The following NFATC2 variants were observed in gnomAD, a reference collection of about 807,000 sequenced individuals.
NFATC2 encodes nuclear factor of activated T cells 2.
In NFATC2, 22 loss-of-function variants were observed where a neutral mutation model predicts 87.3. The observed-to-expected ratio is 0.25, with a 90% CI of 0.18 to 0.36. The LOEUF (loss-of-function observed/expected upper bound fraction) is 0.36. NFATC2 is among the 10% of genes least tolerant of loss of function. The pLI is 1.00. For missense variants in NFATC2, 1,149 were observed against 1,259.1 expected, an observed-to-expected ratio of 0.91 and a Z score of 1.32; for synonymous variants, 565 against 542.2, an observed-to-expected ratio of 1.04 and a Z score of -0.58.
rs1182520165 is a variant in NFATC2, at chr20:51,388,446, A to G, written c.*3050T>C. The G allele has an allele frequency of 6.6e-6, 1 of 151,976 alleles. No homozygotes were observed. Among genetic ancestry groups the G allele is most frequent in the Non-Finnish European group, 1.5e-5 (1 of 68,010 alleles). The allele number at this position is 151,976 out of a possible 1,614,324, so 9.4% of individuals were successfully genotyped here. A position where few individuals can be genotyped will look rare whatever the true frequency, so the allele number is the denominator to read the frequency against. ...AGGCTCTGAGTGGGGGTTTTATTAT[A>G]TGGGTTTTTGTTTCCTGGAATGAGT... On this transcript the variant is annotated 3_prime_UTR_variant, in exon 11 of 11. Coordinates refer to ENST00000371564, the MANE Select transcript of NFATC2 (RefSeq NM_012340.5).
chr20:51,496,167 A>T (rs2075985139), intron 3 of NFATC2, among the ~76,000 whole-genome samples: 1 of 152,116 alleles, frequency 6.6e-6, no homozygotes, highest in South Asian at 2.1e-4. Flanking sequence ...CAAAGGGAGG[A>T]TCGAAGCGCA....
intron 3 of NFATC2, among the ~76,000 whole-genome samples, chr20:51,497,600 G>A (rs369980084): frequency 9.9e-5 from 15 of 152,220 alleles, no homozygotes; most frequent in African/African-American, 1.4e-4. Flanking sequence ...CATGATAGAC[G>A]TTCGCCTGAG....
intron 3 of NFATC2, among the ~76,000 whole-genome samples, chr20:51,506,737 G>A (rs1271523323): frequency 2.5e-5 from 2 of 80,824 alleles, no homozygotes; most frequent in Non-Finnish European, 4.8e-5. Context: ...ACGGGTTGCA[G>A]CGAGATGGCT....
chr20:51,518,660 G>T (rs1228583240), intron 2 of NFATC2, among the ~76,000 whole-genome samples: 1 of 152,078 alleles, frequency 6.6e-6, no homozygotes, highest in Non-Finnish European at 1.5e-5. Flanking sequence ...TTTCCATATA[G>T]TTTGATACAA....
intron 3 of NFATC2, among the ~76,000 whole-genome samples, chr20:51,478,130 C>G (rs1420856757): frequency 6.6e-6 from 1 of 152,172 alleles, no homozygotes; most frequent in Non-Finnish European, 1.5e-5. Context: ...TTTTCATAAC[C>G]TGCCAGACAC....
At chr20:51,446,733 C>T (rs569683633) in intron 6 of NFATC2, among the ~76,000 whole-genome samples, 9 of 152,366 alleles carry the variant, frequency 5.9e-5, no homozygotes, top group Admixed American at 2.6e-4. Context: ...TCTATCTCCA[C>T]GGCAGCTTCG....
upstream of NFATC2, among the ~76,000 whole-genome samples, chr20:51,543,013 G>A (rs2076851333): frequency 6.6e-6 from 1 of 152,126 alleles, no homozygotes; most frequent in Admixed American, 6.5e-5. Flanking sequence ...TAGGACTTTT[G>A]CCCTAAGGGA....
At chr20:51,464,668 G>C (rs1179086705) in intron 5 of NFATC2, among the ~76,000 whole-genome samples, 1 of 152,068 alleles carries the variant, frequency 6.6e-6, no homozygotes, top group Non-Finnish European at 1.5e-5. Flanking sequence ...GCCGGGGGGT[G>C]GGGGGATGAG....
intron 3 of NFATC2, among the ~76,000 whole-genome samples, chr20:51,499,052 G>A (rs1489539424): frequency 6.6e-6 from 1 of 152,098 alleles, no homozygotes; most frequent in African/African-American, 2.4e-5. Context: ...GAGTGAGGAA[G>A]AGAGGCAGGC....
intron 3 of NFATC2, among the ~76,000 whole-genome samples, chr20:51,499,635 T>G (rs2076046918): frequency 6.6e-6 from 1 of 151,412 alleles, no homozygotes. Flanking sequence ...ACCAGCTGCT[T>G]TGGAGGCTGA....
At chr20:51,405,625 C>T (rs1049418591) in intron 9 of NFATC2, among the ~76,000 whole-genome samples, 3 of 152,162 alleles carry the variant, frequency 2.0e-5, no homozygotes, top group African/African-American at 7.2e-5. Flanking sequence ...GACATTTTAA[C>T]ACCAACCTCT....
chr20:51,560,929 C>T (rs1004252498), intron 1 of NFATC2, among the ~76,000 whole-genome samples: 6 of 152,146 alleles, frequency 3.9e-5, no homozygotes, highest in African/African-American at 1.4e-4. Flanking sequence ...AAAACAGAAG[C>T]CCAGTTTCTC....
chr20:51,548,479 C>A (rs2146825398), intron 1 of NFATC2, among the ~76,000 whole-genome samples: 1 of 152,304 alleles, frequency 6.6e-6, no homozygotes, highest in African/African-American at 2.4e-5. Flanking sequence ...CCTGGGATAT[C>A]TAGGGTTGCC....
At chr20:51,504,616 T>C (rs2076146441) in intron 3 of NFATC2, among the ~76,000 whole-genome samples, 1 of 152,148 alleles carries the variant, frequency 6.6e-6, no homozygotes, top group African/African-American at 2.4e-5. Flanking sequence ...ACAAACAAAA[T>C]GATTTCCATT....
At chr20:51,529,561 G>T (rs1412461616) in intron 1 of NFATC2, among the ~76,000 whole-genome samples, 1 of 152,162 alleles carries the variant, frequency 6.6e-6, no homozygotes, top group Admixed American at 6.5e-5. Context: ...CTCACAGGCG[G>T]CTTTCTTACA....
chr20:51,531,836 AC>A (rs1478159656), intron 1 of NFATC2, among the ~76,000 whole-genome samples: 5 of 152,202 alleles, frequency 3.3e-5, no homozygotes, highest in Non-Finnish European at 5.9e-5. Flanking sequence ...AACAACTTGA[AC>A]GCACTAGTCC....
chr20:51,522,259 A>G (rs1048930390), intron 2 of NFATC2, among the ~76,000 whole-genome samples: 1 of 138,454 alleles, frequency 7.2e-6, no homozygotes, highest in African/African-American at 2.6e-5. Context: ...CCAAGACCAC[A>G]AAGGTGCTCA....
At position 51,387,473 on chromosome 20, in the gene NFATC2, A is replaced by C. The variant is rs1985885921; in HGVS notation, c.*4023T>G. On this transcript the variant is annotated 3_prime_UTR_variant, in exon 11 of 11. Transcript: ENST00000371564. ...AGGGAGCAACTCTCTGTTATCAACC[A>C]CCAGAAAAGTTTGTTTTTAAACAGA... The C allele has an allele frequency of 6.6e-6, 1 of 152,176 alleles. No homozygotes were observed. The highest frequency in any genetic ancestry group is 2.1e-4 in the South Asian group (1 of 4,832). 9.4% of individuals were successfully genotyped at this position (152,176 alleles called of 1,614,324 possible). A position where few individuals can be genotyped will look rare whatever the true frequency, so the allele number is the denominator to read the frequency against.
intron 9 of NFATC2, among the ~76,000 whole-genome samples, chr20:51,413,629 A>G (rs1979608913): frequency 6.6e-6 from 1 of 152,128 alleles, no homozygotes; most frequent in South Asian, 2.1e-4. Flanking sequence ...GTGGTGGCAC[A>G]CGCCTATAGT....
Sources: allele counts gnomAD v4.1 joint callset (sites outside exome capture counted in the v4.1 genomes callset), GRCh38; gene constraint gnomAD v4.1.1; transcripts MANE v1.5; gene names NCBI Gene and HGNC (gene_info 2026-07-23, HGNC 2026-07-21).